KMO: variants seen among roughly 807,000 people sequenced by gnomAD.
KMO encodes the protein kynurenine 3-hydroxylase.
Under a neutral mutation model 57.8 loss-of-function variants are expected in KMO, and 24 were observed. That is an observed-to-expected ratio of 0.42 (90% CI 0.30 to 0.58). The LOEUF is 0.58. Among genes scored for constraint, KMO ranks in the 20% least tolerant of loss-of-function variants. The pLI, the probability that KMO is intolerant of heterozygous loss-of-function variation, is 0.22. For missense variants in KMO, 483 were observed against 588.2 expected, an observed-to-expected ratio of 0.82 and a Z score of 1.85; for synonymous variants, 210 against 193.6, an observed-to-expected ratio of 1.08 and a Z score of -0.70.
At chr1:241,591,228 C>T (rs549341765) in intron 14 of KMO, among the ~76,000 whole-genome samples, 10 of 152,186 alleles carry the variant, frequency 6.6e-5, no homozygotes, top group Non-Finnish European at 1.0e-4. Flanking sequence ...AGAAATAGGC[C>T]AGGCAAATCC....
In KMO at chr1:241,562,332, T is replaced by G; in HGVS notation, c.615T>G (p.Asp205Glu). 6.2e-7 allele frequency: 1 copy of G among 1,613,894 alleles called. No homozygotes were observed. Among genetic ancestry groups the G allele is most frequent in the Non-Finnish European group, 8.5e-7 (1 of 1,179,834 alleles). Residue 205 changes from aspartate to glutamate, a missense_variant and splice_region_variant, in exon 7 of 15, where the codon GAT becomes GAG. By Grantham distance (45) the Asp-to-Glu change is conservative. Transcript: ENST00000366559. Reference sequence around the variant, plus strand: ...TGACTATTCCACCTAAGAACGGAGATGTAAGTCCTTGCCCTTTTTCAACCC... The same window carrying G: ...TGACTATTCCACCTAAGAACGGAGAGGTAAGTCCTTGCCCTTTTTCAACCC... ...MELTIPPKNG[D>E]YAMEPNYLHI...
chr1:241,556,636 T>C (rs936745298), intron 5 of KMO, among the ~76,000 whole-genome samples: 5 of 152,142 alleles, frequency 3.3e-5, no homozygotes, highest in East Asian at 1.9e-4. Context: ...TCCCAGCACA[T>C]TGGGAGGCCG....
At chr1:241,536,748 C>T (rs538306674) in intron 1 of KMO, among the ~76,000 whole-genome samples, 1 of 152,218 alleles carries the variant, frequency 6.6e-6, no homozygotes, top group African/African-American at 2.4e-5. Flanking sequence ...TATGTTTGAC[C>T]CAGGAAAGTT....
intron 5 of KMO, among the ~76,000 whole-genome samples, chr1:241,556,992 C>G (rs1449367308): frequency 1.3e-5 from 2 of 151,956 alleles, no homozygotes; most frequent in Non-Finnish European, 2.9e-5. Context: ...CAAGGCATTT[C>G]CATAATCTCT....
chr1:241,583,664 T>C (rs1158557032), intron 10 of KMO, among the ~76,000 whole-genome samples: 1 of 152,236 alleles, frequency 6.6e-6, no homozygotes, highest in Non-Finnish European at 1.5e-5. Context: ...ACAATATAAA[T>C]GTCATGTATA....
rs1235989592 is a variant in KMO at position 241,594,521 on chromosome 1, AATG to A, written c.*2372_*2374del. On this transcript the variant is annotated 3_prime_UTR_variant, in exon 15 of 15. Coordinates refer to ENST00000366559, the MANE Select transcript of KMO (RefSeq NM_003679.5). ...GTGATTCATCACTGGTGATGATAAAAATGATGGAAGAAGAGTTGAAAGTCACTT... is the reference window on the plus strand; with the variant it reads ...GTGATTCATCACTGGTGATGATAAAAATGGAAGAAGAGTTGAAAGTCACTT... 1.2e-6 allele frequency: 2 copies of A among 1,614,020 alleles called. No homozygotes were observed. The highest frequency in any genetic ancestry group is 1.7e-6 in the Non-Finnish European group (2 of 1,180,004).
rs533336588 is a variant in KMO at position 241,575,973 on chromosome 1, T to C, written c.957+7326T>C. 3.9e-5 allele frequency among the ~76,000 whole-genome samples: 6 copies of C among 152,060 alleles called. No homozygotes were observed. The South Asian group carries it at 1.2e-3, about 32-fold the overall frequency. On this transcript the variant is annotated intron_variant, in intron 10 of 14. Transcript: ENST00000366559. The stretch of plus-strand genomic sequence containing the variant: ...GGTGCCTATAAGTTTAGGATTGTAA[T>C]ATCTACTTGTGGGATCAATCCTTTT...
At chr1:241,573,964 C>A (rs1316244686) in intron 10 of KMO, among the ~76,000 whole-genome samples, 1 of 151,978 alleles carries the variant, frequency 6.6e-6, no homozygotes, top group Non-Finnish European at 1.5e-5. Context: ...TTGTAGCTCT[C>A]TTTTTAGGGA....
chr1:241,549,257 GAAAGAAAGA>G lies in KMO; in HGVS notation c.124+362_124+370del, dbSNP rs1558414927. Reference sequence around the variant, plus strand: ...AGAAAGAAAGAAAGAAAGAAAGAAAGAAAGAAAGAAAGGAAGGAAGAAAGAAAGAAAGGA... The same window carrying G: ...AGAAAGAAAGAAAGAAAGAAAGAAAGAAGGAAGGAAGAAAGAAAGAAAGGA... On this transcript the variant is annotated intron_variant, in intron 2 of 14. Coordinates refer to ENST00000366559, the MANE Select transcript of KMO (RefSeq NM_003679.5). Among the ~76,000 whole-genome samples the G allele has an allele frequency of 2.1e-4, 20 of 94,054 alleles. 2 individuals carry two copies. Among genetic ancestry groups the G allele is most frequent in the Admixed American group, 1.2e-3 (10 of 8,374 alleles). The allele number at this position is 94,054 out of a possible 152,430, so 61.7% of individuals were successfully genotyped here.
chr1:241,566,147 G>A (rs188288565), intron 8 of KMO, among the ~76,000 whole-genome samples: 57 of 152,240 alleles, frequency 3.7e-4, no homozygotes, highest in African/African-American at 1.3e-3. Context: ...CAGAGGTTGC[G>A]GTGAGCTGAG....
Position 241,574,532 on chromosome 1 carries a change from GT to G in KMO, c.957+5895del, listed in dbSNP as rs59988648. 2.9e-3 allele frequency among the ~76,000 whole-genome samples: 438 copies of G among 150,470 alleles called. 5 individuals are homozygous for G. Among genetic ancestry groups the G allele is most frequent in the Middle Eastern group, 0.017 (5 of 292 alleles). On this transcript the variant is annotated intron_variant, in intron 10 of 14. Transcript: ENST00000366559. The stretch of plus-strand genomic sequence containing the variant: ...CTGCAACTGTAGAGATGATCATATG[GT>G]TTTTTTTTTAATTCTGTTTATGTGA...
intron 1 of KMO, among the ~76,000 whole-genome samples, chr1:241,542,191 T>A (rs536389801): frequency 6.6e-6 from 1 of 152,310 alleles, no homozygotes; most frequent in Admixed American, 6.5e-5. Context: ...TTTCTCATGA[T>A]CATTGGCTAC....
At chr1:241,585,751 C>T (rs893988823) in intron 10 of KMO, among the ~76,000 whole-genome samples, 1 of 145,300 alleles carries the variant, frequency 6.9e-6, no homozygotes, top group Non-Finnish European at 1.5e-5. Flanking sequence ...AAGACTCCAT[C>T]TAAAATAAAA....
chr1:241,544,366 C>T (rs889567025), intron 1 of KMO, among the ~76,000 whole-genome samples: 27 of 152,186 alleles, frequency 1.8e-4, no homozygotes, highest in African/African-American at 6.3e-4. Flanking sequence ...CCAACTCTCA[C>T]GACCTGTTGT....
At chr1:241,570,660 G>A (rs573233311) in intron 10 of KMO, among the ~76,000 whole-genome samples, 12 of 152,144 alleles carry the variant, frequency 7.9e-5, no homozygotes, top group South Asian at 2.1e-4. Flanking sequence ...CTCTATGCCC[G>A]TACCATGATG....
At chr1:241,566,277 G>A (rs1313253525) in intron 8 of KMO, among the ~76,000 whole-genome samples, 2 of 152,264 alleles carry the variant, frequency 1.3e-5, no homozygotes, top group East Asian at 3.9e-4. Flanking sequence ...GAAATTGTCC[G>A]AATAATCAAA....
intron 10 of KMO, among the ~76,000 whole-genome samples, chr1:241,579,607 C>G (rs1377961549): frequency 6.6e-6 from 1 of 152,096 alleles, no homozygotes; most frequent in Non-Finnish European, 1.5e-5. Flanking sequence ...CTGCTAGCAA[C>G]AGCTAGCTAA....
In KMO at chr1:241,591,456, G is replaced by T. The variant is rs528582609; in HGVS notation, c.1261-497G>T. 2.0e-5 allele frequency among the ~76,000 whole-genome samples: 3 copies of T among 151,928 alleles called. No homozygotes were observed. In the South Asian group the frequency reaches 6.2e-4, roughly 32 times the overall value. On this transcript the variant is annotated intron_variant, in intron 14 of 14. Transcript: ENST00000366559. ...AAAAAAAAGAAAAGAAATAGGCCAG[G>T]ATGCCATGGGAAAGCACCTGACTCA...
chr1:241,539,067 T>C (rs1391590252), intron 1 of KMO, among the ~76,000 whole-genome samples: 2 of 152,124 alleles, frequency 1.3e-5, no homozygotes, highest in African/African-American at 4.8e-5. Flanking sequence ...CTTGAAAATA[T>C]ACACATCTGT....
Sources: gnomAD v4.1 joint callset for allele counts (sites outside exome capture counted in the v4.1 genomes callset) on GRCh38, gnomAD v4.1.1 for gene constraint, MANE v1.5 for transcripts, NCBI Gene and HGNC (gene_info 2026-07-23, HGNC 2026-07-21) for gene names.